The following DGKB variants were observed in gnomAD, a reference collection of about 807,000 sequenced individuals.
The protein encoded by DGKB is 90 kDa diacylglycerol kinase.
DGKB carries 67 observed loss-of-function variants against 114.3 expected under a neutral mutation model. The observed-to-expected ratio is 0.59, with a 90% CI of 0.48 to 0.72. The LOEUF (loss-of-function observed/expected upper bound fraction) is 0.72. Ranked by LOEUF, DGKB falls within the 30% of genes least tolerant of loss-of-function variation. The pLI, the probability that DGKB is intolerant of heterozygous loss-of-function variation, is 0.00. For missense variants in DGKB, 907 were observed against 975.2 expected, an observed-to-expected ratio of 0.93 and a Z score of 0.93; for synonymous variants, 398 against 323.1, an observed-to-expected ratio of 1.23 and a Z score of -2.49.
intron 21 of DGKB, among the ~76,000 whole-genome samples, chr7:14,404,691 A>C (rs771874644): frequency 1.3e-5 from 2 of 151,348 alleles, no homozygotes; most frequent in South Asian, 2.1e-4. Flanking sequence ...TTCTCACTCA[A>C]TCCCTCCCTT....
intron 14 of DGKB, among the ~76,000 whole-genome samples, chr7:14,625,822 A>C (rs974046997): frequency 2.2e-4 from 33 of 152,318 alleles, no homozygotes; most frequent in African/African-American, 7.5e-4. Context: ...ATATAACTAC[A>C]AAATATAAAA....
chr7:14,239,077 T>C (rs1793257097), intron 23 of DGKB, among the ~76,000 whole-genome samples: 1 of 152,018 alleles, frequency 6.6e-6, no homozygotes, highest in African/African-American at 2.4e-5. Context: ...CTCATTCATT[T>C]TGCATTCGTG....
At chr7:14,922,535 G>T (rs1409764912) in intron 1 of DGKB, among the ~76,000 whole-genome samples, 1 of 151,716 alleles carries the variant, frequency 6.6e-6, no homozygotes, top group African/African-American at 2.4e-5. Context: ...AAGAGAAGTT[G>T]GGGAATTCTT....
intron 5 of DGKB, among the ~76,000 whole-genome samples, chr7:14,734,620 T>A (rs918515067): frequency 6.6e-6 from 1 of 152,224 alleles, no homozygotes. Flanking sequence ...TAAAGAGATT[T>A]GCAATTATGC....
intron 2 of DGKB, among the ~76,000 whole-genome samples, chr7:14,764,033 G>C (rs1836095934): frequency 6.6e-6 from 1 of 151,824 alleles, no homozygotes; most frequent in South Asian, 2.1e-4. Context: ...TAAAATCTAA[G>C]CCTCCCCACA....
At chr7:14,515,661 G>C (rs901036564) in intron 20 of DGKB, among the ~76,000 whole-genome samples, 2 of 152,156 alleles carry the variant, frequency 1.3e-5, no homozygotes, top group Non-Finnish European at 2.9e-5. Context: ...ATTCAGCACT[G>C]TTGTAATCTG....
chr7:14,691,265 T>C (rs548382715), intron 9 of DGKB, among the ~76,000 whole-genome samples: 40 of 152,306 alleles, frequency 2.6e-4, no homozygotes, highest in African/African-American at 9.4e-4. Flanking sequence ...AAATACACTG[T>C]GGTATTTTAC....
At chr7:14,901,359 G>A (rs1483648256) in intron 1 of DGKB, among the ~76,000 whole-genome samples, 1 of 152,050 alleles carries the variant, frequency 6.6e-6, no homozygotes, top group Non-Finnish European at 1.5e-5. Flanking sequence ...TAAAGACAGA[G>A]GATTTCAGAA....
chr7:14,848,775 T>G (rs1586896302), intron 1 of DGKB, among the ~76,000 whole-genome samples: 1 of 152,270 alleles, frequency 6.6e-6, no homozygotes, highest in East Asian at 1.9e-4. Context: ...ACCATGATAT[T>G]TCTGTACAAT....
At chr7:14,435,340 A>G (rs754919886) in intron 21 of DGKB, among the ~76,000 whole-genome samples, 15 of 152,070 alleles carry the variant, frequency 9.9e-5, no homozygotes, top group African/African-American at 1.4e-4. Flanking sequence ...AGTTCAGGAG[A>G]AGAACGCAGT....
chr7:14,609,978 C>T (rs1351789160), intron 16 of DGKB, among the ~76,000 whole-genome samples: 2 of 151,920 alleles, frequency 1.3e-5, no homozygotes, highest in African/African-American at 2.4e-5. Flanking sequence ...TTTTTAAGAA[C>T]TTCAAACAGA....
intron 23 of DGKB, among the ~76,000 whole-genome samples, chr7:14,227,667 G>A (rs1300669837): frequency 1.3e-5 from 2 of 151,922 alleles, no homozygotes; most frequent in Non-Finnish European, 2.9e-5. Flanking sequence ...TTGTGCTGGA[G>A]TATATTAAAA....
chr7:14,676,672 G>T (rs550188501), intron 12 of DGKB, among the ~76,000 whole-genome samples: 2 of 152,154 alleles, frequency 1.3e-5, no homozygotes, highest in East Asian at 3.9e-4. Context: ...AAAAGACACA[G>T]CTGGGTCCTT....
chr7:14,200,259 G>A (rs1785636683), intron 23 of DGKB, among the ~76,000 whole-genome samples: 1 of 151,960 alleles, frequency 6.6e-6, no homozygotes, highest in African/African-American at 2.4e-5. Context: ...TATACTATGA[G>A]GCAGCAATGA....
intron 21 of DGKB, among the ~76,000 whole-genome samples, chr7:14,373,338 T>A (rs923690770): frequency 6.6e-6 from 1 of 152,226 alleles, no homozygotes. Context: ...ACTTCCAAAT[T>A]ATTCTTCAGA....
At chr7:14,312,866 A>C (rs909284217) in intron 23 of DGKB, among the ~76,000 whole-genome samples, 5 of 152,300 alleles carry the variant, frequency 3.3e-5, no homozygotes, top group Middle Eastern at 3.4e-3. Flanking sequence ...AACTTTTTGT[A>C]TTTACTAGTC....
intron 1 of DGKB, among the ~76,000 whole-genome samples, chr7:14,894,821 A>G (rs1418305066): frequency 6.6e-6 from 1 of 151,650 alleles, no homozygotes; most frequent in Non-Finnish European, 1.5e-5. Context: ...GAGTACATTC[A>G]AAGCCAGACA....
chr7:14,429,253 G>T (rs1490991880), intron 21 of DGKB, among the ~76,000 whole-genome samples: 1 of 152,118 alleles, frequency 6.6e-6, no homozygotes, highest in East Asian at 1.9e-4. Context: ...TAGGTCTTGA[G>T]GATGGAGCCC....
At chr7:14,293,853 T>A (rs1192097633) in intron 23 of DGKB, among the ~76,000 whole-genome samples, 3 of 152,198 alleles carry the variant, frequency 2.0e-5, no homozygotes, top group Non-Finnish European at 4.4e-5. Context: ...TTTTACAACC[T>A]TCCTCTCTGA....
Sources: allele counts gnomAD v4.1 joint callset (sites outside exome capture counted in the v4.1 genomes callset), GRCh38; gene constraint gnomAD v4.1.1; transcripts MANE v1.5; gene names NCBI Gene and HGNC (gene_info 2026-07-23, HGNC 2026-07-21).